The following CDKAL1 variants were observed in gnomAD, a reference collection of about 807,000 sequenced individuals.
CDKAL1 encodes threonylcarbamoyladenosine tRNA methylthiotransferase.
A neutral mutation model predicts 68.2 loss-of-function variants in CDKAL1; 32 were observed. The observed-to-expected ratio is 0.47, with a 90% CI of 0.35 to 0.63. The LOEUF is 0.63. Ranked by LOEUF, CDKAL1 falls within the 30% of genes least tolerant of loss-of-function variation. The probability of loss-of-function intolerance (pLI) is 0.00; values close to 1 mark genes in which losing one functional copy is unlikely to be tolerated. For synonymous variants in CDKAL1, 234 were observed against 244.3 expected (o/e 0.96, Z 0.39); for missense variants, 606 against 696.7 (o/e 0.87, Z 1.47).
intron 9 of CDKAL1, among the ~76,000 whole-genome samples, chr6:20,862,661 G>A (rs1201582710): frequency 3.7e-5 from 5 of 134,666 alleles, no homozygotes; most frequent in African/African-American, 9.7e-5. Flanking sequence ...GTGTGTGTGT[G>A]TGCGCGCGTG....
chr6:20,538,244 C>A (rs1030044906), intron 2 of CDKAL1, among the ~76,000 whole-genome samples: 1 of 130,878 alleles, frequency 7.6e-6, no homozygotes, highest in Non-Finnish European at 1.7e-5. Flanking sequence ...TTTTTTTTTT[C>A]TTTTCTGGGT....
Position 21,201,140 on chromosome 6 carries a change from G to A in CDKAL1, c.1414G>A (p.Gly472Arg). The change falls in exon 15 of 16, where the codon GGG (glycine) becomes AGG (arginine). Residue 472 changes from glycine (G) to arginine (R), a missense_variant. Physicochemically the swap from Gly to Arg is moderately radical, Grantham distance 125. Coordinates refer to ENST00000274695, the MANE Select transcript of CDKAL1 (RefSeq NM_017774.3). ...VLVPKNPAFM[G>R]KMVEVDIYES... is the part of the protein sequence containing the mutation. Reference sequence around the variant, plus strand: ...AGTGCCAAAGAACCCTGCGTTCATGGGGAAGATGGTTGAAGTGGACATCTA... The same window carrying A: ...AGTGCCAAAGAACCCTGCGTTCATGAGGAAGATGGTTGAAGTGGACATCTA... 6.2e-7 allele frequency: 1 copy of A among 1,613,310 alleles called. No individual in the cohort carries two copies.
At chr6:20,952,662 A>G (rs1241723365) in intron 9 of CDKAL1, among the ~76,000 whole-genome samples, 1 of 152,232 alleles carries the variant, frequency 6.6e-6, no homozygotes, top group East Asian at 1.9e-4. Context: ...TTAGGCAAGC[A>G]CTTCTGTCCG....
At chr6:21,043,972 G>T (rs1402839623) in intron 11 of CDKAL1, among the ~76,000 whole-genome samples, 1 of 152,146 alleles carries the variant, frequency 6.6e-6, no homozygotes, top group Non-Finnish European at 1.5e-5. Flanking sequence ...GGAAATGTTT[G>T]CTGTAATTGG....
intron 9 of CDKAL1, among the ~76,000 whole-genome samples, chr6:20,878,943 G>A (rs965610273): frequency 6.6e-6 from 1 of 151,532 alleles, no homozygotes; most frequent in African/African-American, 2.4e-5. Flanking sequence ...GTCAGGCATG[G>A]TGGCGGGCGC....
intron 8 of CDKAL1, among the ~76,000 whole-genome samples, chr6:20,818,282 C>G (rs371490509): frequency 6.6e-6 from 1 of 152,118 alleles, no homozygotes; most frequent in Non-Finnish European, 1.5e-5. Flanking sequence ...AACTGTTCCA[C>G]AGTAGTAATG....
At chr6:20,833,279 T>C (rs72832372) in intron 8 of CDKAL1, among the ~76,000 whole-genome samples, 4,298 of 152,314 alleles carry the variant, frequency 0.028, 85 homozygotes, top group Non-Finnish European at 0.041. Context: ...AGTATTCTTT[T>C]GGAAAGAGAG....
At chr6:21,003,229 G>A (rs1167389811) in intron 11 of CDKAL1, among the ~76,000 whole-genome samples, 2 of 149,478 alleles carry the variant, frequency 1.3e-5, no homozygotes, top group Non-Finnish European at 3.0e-5. Context: ...TTTTAGACTA[G>A]GCACAGTGGC....
At chr6:20,796,406 T>C (rs990280399) in intron 8 of CDKAL1, among the ~76,000 whole-genome samples, 1 of 152,192 alleles carries the variant, frequency 6.6e-6, no homozygotes, top group Non-Finnish European at 1.5e-5. Flanking sequence ...TAAATGACAA[T>C]TCTCAAGTTG....
chr6:21,134,532 T>C (rs1035228194), intron 13 of CDKAL1, among the ~76,000 whole-genome samples: 4 of 152,214 alleles, frequency 2.6e-5, no homozygotes, highest in Non-Finnish European at 5.9e-5. Flanking sequence ...TAATGAATTA[T>C]ACTATTGCAG....
intron 10 of CDKAL1, among the ~76,000 whole-genome samples, chr6:20,973,283 A>G (rs938541469): frequency 2.6e-5 from 4 of 152,200 alleles, no homozygotes; most frequent in African/African-American, 9.7e-5. Flanking sequence ...AATGTATCAC[A>G]TATGTAAATA....
At chr6:20,620,344 G>A (rs1767123283) in intron 4 of CDKAL1, among the ~76,000 whole-genome samples, 1 of 152,106 alleles carries the variant, frequency 6.6e-6, no homozygotes, top group Non-Finnish European at 1.5e-5. Flanking sequence ...ATTGAAAATA[G>A]CATAAATTCT....
At chr6:20,763,404 C>G (rs1774554815) in intron 7 of CDKAL1, among the ~76,000 whole-genome samples, 1 of 152,166 alleles carries the variant, frequency 6.6e-6, no homozygotes, top group African/African-American at 2.4e-5. Context: ...TAACCCTGCC[C>G]AGATTTTAGT....
At chr6:20,590,330 T>C (rs745551663) in intron 4 of CDKAL1, among the ~76,000 whole-genome samples, 3 of 152,134 alleles carry the variant, frequency 2.0e-5, no homozygotes, top group Non-Finnish European at 4.4e-5. Flanking sequence ...AAGGGCACCA[T>C]AATTTTATTT....
At chr6:20,815,258 T>C (rs1273027741) in intron 8 of CDKAL1, among the ~76,000 whole-genome samples, 1 of 152,162 alleles carries the variant, frequency 6.6e-6, no homozygotes, top group African/African-American at 2.4e-5. Context: ...ACCATGTTTG[T>C]TTCCTAAGAA....
intron 12 of CDKAL1, among the ~76,000 whole-genome samples, chr6:21,069,804 T>A (rs9295490): frequency 0.31 from 26,726 of 85,256 alleles, 4,835 homozygotes; most frequent in African/African-American, 0.48. Flanking sequence ...TTTTTTTTTT[T>A]AAAACAGAGC....
intron 13 of CDKAL1, among the ~76,000 whole-genome samples, chr6:21,124,365 C>A (rs1774880945): frequency 6.6e-6 from 1 of 152,098 alleles, no homozygotes; most frequent in Non-Finnish European, 1.5e-5. Context: ...ACAGTAGAGT[C>A]CTGTTCCTTG....
chr6:21,169,796 C>T (rs1489625200), intron 13 of CDKAL1, among the ~76,000 whole-genome samples: 1 of 152,026 alleles, frequency 6.6e-6, no homozygotes, highest in South Asian at 2.1e-4. Context: ...TGGTGGAAGG[C>T]AAGAAGGAGC....
intron 13 of CDKAL1, among the ~76,000 whole-genome samples, chr6:21,150,870 C>T (rs1776381759): frequency 6.6e-6 from 1 of 152,188 alleles, no homozygotes; most frequent in East Asian, 1.9e-4. Context: ...ATTATTTCTA[C>T]AGATATTTTC....
Sources: gnomAD v4.1 joint callset for allele counts (sites outside exome capture counted in the v4.1 genomes callset) on GRCh38, gnomAD v4.1.1 for gene constraint, MANE v1.5 for transcripts, NCBI Gene and HGNC (gene_info 2026-07-23, HGNC 2026-07-21) for gene names.